SEMA4D: variants seen among roughly 807,000 people sequenced by gnomAD.
The protein encoded by SEMA4D is semaphorin 4D.
Under a neutral mutation model 74.8 loss-of-function variants are expected in SEMA4D, and 22 were observed. That is an observed-to-expected ratio of 0.29 (90% CI 0.21 to 0.42). SEMA4D has a LOEUF of 0.42. Ranked by LOEUF, SEMA4D falls within the 10% of genes least tolerant of loss-of-function variation. The pLI is 1.00. For synonymous variants in SEMA4D, 445 were observed against 463.7 expected (o/e 0.96, Z 0.52); for missense variants, 937 against 1,118.4 (o/e 0.84, Z 2.31).
At chr9:89,407,627 T>C (rs1459216691) in intron 2 of SEMA4D, among the ~76,000 whole-genome samples, 1 of 152,204 alleles carries the variant, frequency 6.6e-6, no homozygotes, top group Admixed American at 6.5e-5. Flanking sequence ...CCTTTCCCCA[T>C]GTGAAATGTT....
At chr9:89,408,412 T>A (rs1243516384) in intron 2 of SEMA4D, among the ~76,000 whole-genome samples, 1 of 152,194 alleles carries the variant, frequency 6.6e-6, no homozygotes, top group African/African-American at 2.4e-5. Flanking sequence ...TAAGAAAGGA[T>A]GGTAACAGTG....
intron 7 of SEMA4D, 109 bp downstream of exon 7, chr9:89,393,453 A>T: frequency 1.1e-6 from 1 of 904,282 alleles, no homozygotes; most frequent in Non-Finnish European, 1.8e-6. Context: ...GCTCCTATTT[A>T]AACAAAGCCA....
intron 17 of SEMA4D, chr9:89,363,722 G>A (rs776781350): frequency 7.5e-6 from 12 of 1,608,240 alleles, no homozygotes; most frequent in Non-Finnish European, 7.6e-6. Context: ...GGGTAACAGT[G>A]GGCATGGGAA....
At chr9:89,477,030 T>C (rs1427642704) in intron 1 of SEMA4D, among the ~76,000 whole-genome samples, 1 of 152,156 alleles carries the variant, frequency 6.6e-6, no homozygotes, top group Non-Finnish European at 1.5e-5. Flanking sequence ...GCTGGAGGCA[T>C]GGAGGAGAGT....
intron 4 of SEMA4D, among the ~76,000 whole-genome samples, chr9:89,400,006 CAAAAAAAAAAAA>C (rs33925502): frequency 5.1e-5 from 3 of 58,980 alleles, no homozygotes; most frequent in Non-Finnish European, 1.0e-4. Flanking sequence ...GACTCCGTCT[CAAAAAAAAAAAA>C]AAAAAAAAAA....
At position 89,497,930 on chromosome 9, in the gene SEMA4D, G is replaced by C. The variant is rs1184820419; in HGVS notation, c.-321C>G. ...GCCCGGCCGCTTACCTGCAGCGCGCGTCCTGCCCGCGGCGGCTCCCGGCCG... is the reference window on the plus strand; with the variant it reads ...GCCCGGCCGCTTACCTGCAGCGCGCCTCCTGCCCGCGGCGGCTCCCGGCCG... On this transcript the variant is annotated 5_prime_UTR_variant, in exon 1 of 16. Coordinates refer to ENST00000422704, the MANE Select transcript of SEMA4D (RefSeq NM_001371194.2). The C allele has an allele frequency of 6.7e-6, 1 of 149,920 alleles. No homozygotes were observed. The highest frequency in any genetic ancestry group is 1.5e-5 in the Non-Finnish European group (1 of 67,084). The allele number at this position is 149,920 out of a possible 1,614,324, so 9.3% of individuals were successfully genotyped here.
At chr9:89,433,803 G>A (rs547661453) in intron 2 of SEMA4D, among the ~76,000 whole-genome samples, 23 of 152,258 alleles carry the variant, frequency 1.5e-4, no homozygotes, top group East Asian at 1.3e-3. Context: ...AGATTGTCCC[G>A]GGGCTCAGAC....
At chr9:89,446,906 C>T (rs903214841) in intron 2 of SEMA4D, among the ~76,000 whole-genome samples, 1 of 152,176 alleles carries the variant, frequency 6.6e-6, no homozygotes, top group Non-Finnish European at 1.5e-5. Context: ...GCTGGGCGTG[C>T]CCCTGTGGGA....
At chr9:89,401,592 G>C (rs116343110) in intron 4 of SEMA4D, among the ~76,000 whole-genome samples, 1 of 152,194 alleles carries the variant, frequency 6.6e-6, no homozygotes, top group East Asian at 1.9e-4. Flanking sequence ...CATGAGGTAG[G>C]TGTTTCACTG....
chr9:89,419,322 T>C (rs1316574513), intron 2 of SEMA4D, among the ~76,000 whole-genome samples: 4 of 152,212 alleles, frequency 2.6e-5, no homozygotes, highest in Non-Finnish European at 5.9e-5. Context: ...ATGAGAATCC[T>C]GGAAAAGGCC....
At chr9:89,422,925 G>A (rs959237909) in intron 2 of SEMA4D, among the ~76,000 whole-genome samples, 2 of 152,170 alleles carry the variant, frequency 1.3e-5, no homozygotes, top group South Asian at 2.1e-4. Context: ...TTTAGTAGTC[G>A]TTACAACCTG....
chr9:89,392,028 A>T (rs933181662), intron 8 of SEMA4D, among the ~76,000 whole-genome samples: 7 of 152,130 alleles, frequency 4.6e-5, no homozygotes, highest in Non-Finnish European at 8.8e-5. Context: ...AGCCCATCTG[A>T]CCGGGCACTA....
chr9:89,476,526 C>G (rs1487212372), intron 1 of SEMA4D, among the ~76,000 whole-genome samples: 1 of 152,182 alleles, frequency 6.6e-6, no homozygotes, highest in Non-Finnish European at 1.5e-5. Flanking sequence ...ATGAATAGCA[C>G]AGGCTGACCT....
chr9:89,385,866 G>GGGGGGGGCCCC, intron 13 of SEMA4D: 13 of 196,226 alleles, frequency 6.6e-5, no homozygotes, highest in Non-Finnish European at 1.2e-4. Flanking sequence ...CAGCGTGGAT[G>GGGGGGGGCCCC]CCCGCCCACC....
intron 8 of SEMA4D, among the ~76,000 whole-genome samples, chr9:89,391,785 C>T (rs1362116954): frequency 6.6e-6 from 1 of 152,230 alleles, no homozygotes; most frequent in African/African-American, 2.4e-5. Context: ...GTTTAAACAA[C>T]ACATGCTTCA....
At chr9:89,396,478 C>T (rs1840988114) in intron 6 of SEMA4D, among the ~76,000 whole-genome samples, 1 of 152,244 alleles carries the variant, frequency 6.6e-6, no homozygotes, top group South Asian at 2.1e-4. Context: ...GGGCTCCCAG[C>T]ACCTTGAGCT....
intron 6 of SEMA4D, 105 bp downstream of exon 6, chr9:89,396,632 A>AT (rs999624864): frequency 5.1e-3 from 4,532 of 895,958 alleles, no homozygotes; most frequent in Non-Finnish European, 6.0e-3. Context: ...AGAAAATCCT[A>AT]TTTTTTTTTA....
intron 2 of SEMA4D, among the ~76,000 whole-genome samples, chr9:89,448,051 T>C (rs1436468015): frequency 6.6e-6 from 1 of 152,188 alleles, no homozygotes; most frequent in East Asian, 1.9e-4. Context: ...ACAAGCTCAC[T>C]GCAGCCTTGA....
intron 1 of SEMA4D, among the ~76,000 whole-genome samples, chr9:89,462,817 ACCTGTAGTC>A (rs1356195079): frequency 4.7e-5 from 7 of 149,754 alleles, no homozygotes; most frequent in African/African-American, 1.7e-4. Context: ...GGTGACATGC[ACCTGTAGTC>A]CCAGCTACTT....
Sources: allele counts gnomAD v4.1 joint callset (sites outside exome capture counted in the v4.1 genomes callset), GRCh38; gene constraint gnomAD v4.1.1; transcripts MANE v1.5; gene names NCBI Gene and HGNC (gene_info 2026-07-23, HGNC 2026-07-21).